Variants in HRH4 observed in about 807,000 individuals in gnomAD.
HRH4 encodes histamine H4 receptor.
Under a neutral mutation model 10.4 loss-of-function variants are expected in HRH4, and 12 were observed. The ratio of observed to expected loss-of-function variants is 1.15; its 90% CI spans 0.74 to 1.87. HRH4 has a LOEUF of 1.87. Ranked by LOEUF, HRH4 falls within the 40% of genes most tolerant of loss-of-function variation. The pLI, the probability that HRH4 is intolerant of heterozygous loss-of-function variation, is 0.00. For synonymous variants in HRH4, 154 were observed against 166.6 expected (o/e 0.92, Z 0.58); for missense variants, 415 against 453.3 (o/e 0.92, Z 0.77).
chr18:24,470,366 G>A (rs1450128471), intron 2 of HRH4, among the ~76,000 whole-genome samples: 1 of 152,100 alleles, frequency 6.6e-6, no homozygotes, highest in African/African-American at 2.4e-5. Flanking sequence ...AGAACCTACT[G>A]TTTCTGTTGC....
At position 24,479,062 on chromosome 18, in the gene HRH4, T is replaced by C. The variant is rs2144389175; in HGVS notation, c.*1500T>C. On this transcript the variant is annotated 3_prime_UTR_variant, in exon 3 of 3. Transcript: ENST00000256906. ...CCACCTGAGCAGCTGGGATTACAGG[T>C]GCATGCCACCATGCCTGGCTAATTT... The C allele has an allele frequency of 6.6e-6, 1 of 152,170 alleles. No individual in the cohort carries two copies. Among genetic ancestry groups the C allele is most frequent in the Middle Eastern group, 3.4e-3 (1 of 294 alleles). 9.4% of individuals were successfully genotyped at this position (152,170 alleles called of 1,614,324 possible).
rs150311165 is a variant in HRH4 at position 24,461,409 on chromosome 18, G to C, written c.193+488G>C. On this transcript the variant is annotated intron_variant, in intron 1 of 2. Transcript: ENST00000256906. ...ATTTAATGATATGGCATAGAATTTT[G>C]TAAAATATACCCAACTGTAAACTGC... Among the ~76,000 whole-genome samples, 1,261 of 152,148 alleles carry C rather than the reference G, an allele frequency of 8.3e-3. 7 individuals are homozygous for C. The highest frequency in any genetic ancestry group is 0.013 in the Non-Finnish European group (891 of 67,974).
chr18:24,476,871 G>C lies in HRH4; in HGVS notation c.482G>C (p.Gly161Ala). 6.2e-7 allele frequency: 1 copy of C among 1,614,202 alleles called. No homozygotes were observed. Among genetic ancestry groups the C allele is most frequent in the South Asian group, 1.1e-5 (1 of 91,086 alleles). Residue 161 changes from glycine to alanine, a missense_variant, in exon 3 of 3, where the codon GGT becomes GCT. Coordinates refer to ENST00000256906, the MANE Select transcript of HRH4 (RefSeq NM_021624.4). ...GTTTCAGAGTCTTGGAAGGATGAAG[G>C]TAGTGAATGTGAACCTGGATTTTTT... ...ILVSESWKDE[G>A]SECEPGFFSE...
At position 24,466,579 on chromosome 18, in the gene HRH4, G is replaced by C. The variant is rs544970579; in HGVS notation, c.194-2209G>C. The stretch of plus-strand genomic sequence containing the variant: ...ACTGACCACGCAACTCTTCATCTCT[G>C]TGGTGTCTTGTACCTAGGGACAGAA... On this transcript the variant is annotated intron_variant, in intron 1 of 2. Transcript: ENST00000256906. 4.6e-5 allele frequency among the ~76,000 whole-genome samples: 7 copies of C among 152,244 alleles called. No homozygotes were observed. In the East Asian group the frequency reaches 1.4e-3, roughly 29 times the overall value.
At chr18:24,461,431 C>G (rs1203549185) in intron 1 of HRH4, among the ~76,000 whole-genome samples, 1 of 152,064 alleles carries the variant, frequency 6.6e-6, no homozygotes, top group East Asian at 1.9e-4. Flanking sequence ...CAACTGTAAA[C>G]TGCCTTGCAT....
In HRH4 at chr18:24,477,216, T is replaced by C. The variant is rs764288864; in HGVS notation, c.827T>C (p.Met276Thr). ...KMNSNTIASK[M>T]GSFSQSDSVA... is the part of the protein sequence containing the mutation. ...AATAGCAATACAATTGCTTCCAAAA[T>C]GGGTTCCTTCTCCCAATCAGATTCT... The change falls in exon 3 of 3, where the codon ATG (methionine) becomes ACG (threonine). Residue 276 changes from methionine to threonine, a missense_variant. Coordinates refer to ENST00000256906, the MANE Select transcript of HRH4 (RefSeq NM_021624.4). The C allele has an allele frequency of 6.2e-7, 1 of 1,614,170 alleles. No individual in the cohort carries two copies. The highest frequency in any genetic ancestry group is 8.5e-7 in the Non-Finnish European group (1 of 1,180,028).
rs980077646 is a variant in HRH4, at chr18:24,478,665, A to G, written c.*1103A>G. ...CTGGCAACAGAACAAGACTCTGTCT[A>G]AAAAGAAAAAAAAATTTTTTTGTTT... On this transcript the variant is annotated 3_prime_UTR_variant, in exon 3 of 3. Coordinates refer to ENST00000256906, the MANE Select transcript of HRH4 (RefSeq NM_021624.4). 6.6e-6 allele frequency: 1 copy of G among 152,210 alleles called. No individual in the cohort carries two copies. The highest frequency in any genetic ancestry group is 2.4e-5 in the African/African-American group (1 of 41,456). 9.4% of individuals were successfully genotyped at this position (152,210 alleles called of 1,614,324 possible).
At chr18:24,475,648 A>G (rs545860617) in intron 2 of HRH4, among the ~76,000 whole-genome samples, 4 of 152,276 alleles carry the variant, frequency 2.6e-5, no homozygotes, top group Admixed American at 6.5e-5. Flanking sequence ...GAACAAACAA[A>G]CAAACACCAA....
chr18:24,460,796 C>T lies in HRH4; in HGVS notation c.68C>T (p.Ser23Phe), dbSNP rs746290703. The part of the protein sequence containing the change: ...STRVTLAFFM[S>F]LVAFAIMLGN... Reference sequence around the variant, plus strand: ...CGTGTTACTTTAGCATTTTTTATGTCCTTAGTAGCTTTTGCTATAATGCTA... The same window carrying T: ...CGTGTTACTTTAGCATTTTTTATGTTCTTAGTAGCTTTTGCTATAATGCTA... The change falls in exon 1 of 3, where the codon TCC (serine) becomes TTC (phenylalanine). Residue 23 changes from serine to phenylalanine, a missense_variant. By Grantham distance (155) the Ser-to-Phe change is radical (BLOSUM62 -2). Transcript: ENST00000256906. 4.4e-6 allele frequency: 7 copies of T among 1,578,960 alleles called. No homozygotes were observed. In the South Asian group the frequency reaches 8.2e-5, roughly 18 times the overall value.
At position 24,461,905 on chromosome 18, in the gene HRH4, G is replaced by A. The variant is rs1362819; in HGVS notation, c.193+984G>A. Among the ~76,000 whole-genome samples, 473 of 152,126 alleles carry A rather than the reference G, an allele frequency of 3.1e-3. 10 individuals carry two copies. The highest frequency in any genetic ancestry group is 0.029 in the Admixed American group (440 of 15,270). On this transcript the variant is annotated intron_variant, in intron 1 of 2. Coordinates refer to ENST00000256906, the MANE Select transcript of HRH4 (RefSeq NM_021624.4). ...AATCAAGGGATCTATAGAAGATTAGGTTAGTCTCTTCCAGTAAGTTTTTGA... is the reference window on the plus strand; with the variant it reads ...AATCAAGGGATCTATAGAAGATTAGATTAGTCTCTTCCAGTAAGTTTTTGA...
chr18:24,471,745 C>T (rs1047972295), intron 2 of HRH4, among the ~76,000 whole-genome samples: 2 of 150,436 alleles, frequency 1.3e-5, no homozygotes, highest in East Asian at 3.9e-4. Context: ...TTGTGATATA[C>T]AATATAATTT....
Position 24,466,236 on chromosome 18 carries a change from C to T in HRH4, c.194-2552C>T, listed in dbSNP as rs911344451. Among the ~76,000 whole-genome samples, 5 of 151,426 alleles carry T rather than the reference C, an allele frequency of 3.3e-5. No individual in the cohort carries two copies. The East Asian group carries it at 9.7e-4, about 29-fold the overall frequency. Reference sequence around the variant, plus strand: ...CAAATGATCCTCCTGCCTCAACCTCCTGGTTAGCTGGAACTACAGGCTTGT... The same window carrying T: ...CAAATGATCCTCCTGCCTCAACCTCTTGGTTAGCTGGAACTACAGGCTTGT... On this transcript the variant is annotated intron_variant, in intron 1 of 2. Transcript: ENST00000256906.
chr18:24,465,051 C>T (rs1385130182), intron 1 of HRH4, among the ~76,000 whole-genome samples: 1 of 151,968 alleles, frequency 6.6e-6, no homozygotes, highest in Admixed American at 6.6e-5. Context: ...CTTTGAGAGG[C>T]CAAGGTGGGT....
chr18:24,472,384 T>C (rs1909994686), intron 2 of HRH4, among the ~76,000 whole-genome samples: 1 of 152,116 alleles, frequency 6.6e-6, no homozygotes, highest in Non-Finnish European at 1.5e-5. Flanking sequence ...CCTCGAGTAA[T>C]TCCCCTGGAA....
At chr18:24,475,529 G>A (rs558913128) in intron 2 of HRH4, among the ~76,000 whole-genome samples, 1 of 152,174 alleles carries the variant, frequency 6.6e-6, no homozygotes, top group Admixed American at 6.5e-5. Context: ...GGAGGCTGAA[G>A]CAGGAGGATC....
chr18:24,476,663 C>T (rs1217751643), intron 2 of HRH4, 84 bp from the exon 3 acceptor site: 1 of 1,046,056 alleles, frequency 9.6e-7, no homozygotes, highest in Admixed American at 2.1e-5. Flanking sequence ...TTTGCACATC[C>T]CTGAAATTTC....
At chr18:24,475,126 G>A (rs993896642) in intron 2 of HRH4, among the ~76,000 whole-genome samples, 9 of 152,144 alleles carry the variant, frequency 5.9e-5, no homozygotes, top group Admixed American at 2.0e-4. Flanking sequence ...ATTGACATAA[G>A]GATTGTGGGT....
rs1910259755 is a variant in HRH4, at chr18:24,479,742, A to G, written c.*2180A>G. The G allele has an allele frequency of 6.6e-6, 1 of 152,092 alleles. No individual in the cohort carries two copies. Among genetic ancestry groups the G allele is most frequent in the East Asian group, 1.9e-4 (1 of 5,198 alleles). 9.4% of individuals were successfully genotyped at this position (152,092 alleles called of 1,614,324 possible). The stretch of plus-strand genomic sequence containing the variant: ...ATTGGTGTTTCTTTTATAACTTTGC[A>G]GTTCTTACACCGTTTGGTGATTTTC... On this transcript the variant is annotated 3_prime_UTR_variant, in exon 3 of 3. Transcript: ENST00000256906.
intron 1 of HRH4, among the ~76,000 whole-genome samples, chr18:24,463,971 G>A (rs548293175): frequency 8.7e-4 from 132 of 152,298 alleles, no homozygotes; most frequent in African/African-American, 3.1e-3. Context: ...GTTGGCGTTT[G>A]TGGCCTACAT....
Sources: gnomAD v4.1 joint callset for allele counts (sites outside exome capture counted in the v4.1 genomes callset) on GRCh38, gnomAD v4.1.1 for gene constraint, MANE v1.5 for transcripts, NCBI Gene and HGNC (gene_info 2026-07-23, HGNC 2026-07-21) for gene names.